The following PLXNA2 variants were observed in gnomAD, a reference collection of about 807,000 sequenced individuals.
PLXNA2 encodes plexin A2, also known as plexin-A2.
PLXNA2 carries 91 observed loss-of-function variants against 193.5 expected under a neutral mutation model. The observed-to-expected ratio is 0.47, with a 90% CI of 0.40 to 0.56. PLXNA2 has a LOEUF of 0.56. Ranked by LOEUF, PLXNA2 falls within the 20% of genes least tolerant of loss-of-function variation. The pLI, the probability that PLXNA2 is intolerant of heterozygous loss-of-function variation, is 0.00. For missense variants in PLXNA2, 1,995 were observed against 2,503.2 expected (o/e 0.80, Z 4.33); for synonymous variants, 997 against 1,027.3 (o/e 0.97, Z 0.56).
chr1:208,171,796 C>T (rs879276330), intron 3 of PLXNA2, among the ~76,000 whole-genome samples: 1 of 152,036 alleles, frequency 6.6e-6, no homozygotes, highest in Non-Finnish European at 1.5e-5. Flanking sequence ...ATCCAGGCTG[C>T]AGTGAGCCAT....
chr1:208,063,854 TG>T (rs1665695271), intron 12 of PLXNA2, among the ~76,000 whole-genome samples: 1 of 152,248 alleles, frequency 6.6e-6, no homozygotes, highest in Admixed American at 6.5e-5. Context: ...CCTCCATTAC[TG>T]ATGACTTCCA....
At chr1:208,239,320 C>T (rs1169585975) in intron 1 of PLXNA2, among the ~76,000 whole-genome samples, 1 of 152,124 alleles carries the variant, frequency 6.6e-6, no homozygotes, top group Middle Eastern at 3.2e-3. Context: ...CTCTCTTTCC[C>T]ACTTTTCTCT....
Position 208,084,380 on chromosome 1 carries a change from C to G in PLXNA2, c.2298G>C (p.Ser766=). The change falls in exon 10 of 32, where the codon TCG becomes TCC. Residue 766 remains serine (S), a splice_region_variant and synonymous_variant. Coordinates refer to ENST00000367033, the MANE Select transcript of PLXNA2 (RefSeq NM_025179.4). ...CAGGGCCCAGCCTGCGTTTTCTTACCGAGCTGTTCTGACACTGAACGCTGG... is the reference window on the plus strand; with the variant it reads ...CAGGGCCCAGCCTGCGTTTTCTTACGGAGCTGTTCTGACACTGAACGCTGG... ...NSSSVQCQNS[S]YQYDGMDISN... is the part of the protein sequence containing the mutation. 6.2e-7 allele frequency: 1 copy of G among 1,614,120 alleles called. No homozygotes were observed.
At chr1:208,186,709 T>TTTTGTTTTTTG (rs1558234616) in intron 3 of PLXNA2, among the ~76,000 whole-genome samples, 1 of 83,792 alleles carries the variant, frequency 1.2e-5, no homozygotes, top group African/African-American at 5.7e-5. Flanking sequence ...TGCAATGTTA[T>TTTTGTTTTTTG]TTTATTTTTT....
Position 208,025,395 on chromosome 1 carries a change from A to C in PLXNA2, c.*1848T>G, listed in dbSNP as rs1664313332. The C allele has an allele frequency of 2.0e-5, 3 of 152,294 alleles. No homozygotes were observed. Among genetic ancestry groups the C allele is most frequent in the African/African-American group, 7.2e-5 (3 of 41,458 alleles). The allele number at this position is 152,294 out of a possible 1,614,324, so 9.4% of individuals were successfully genotyped here. On this transcript the variant is annotated 3_prime_UTR_variant, in exon 32 of 32. Coordinates refer to ENST00000367033, the MANE Select transcript of PLXNA2 (RefSeq NM_025179.4). ...GAGAAGCTGGAGCCCAGAGTTAATA[A>C]CAGAGAAAATGACCCTGGTCTAGTC...
At chr1:208,204,705 G>T (rs1035919955) in intron 3 of PLXNA2, among the ~76,000 whole-genome samples, 4 of 152,218 alleles carry the variant, frequency 2.6e-5, no homozygotes, top group African/African-American at 9.6e-5. Flanking sequence ...TGTGTATCTG[G>T]CAGTGGGGAT....
At chr1:208,095,997 C>G in intron 8 of PLXNA2, 32 bp downstream of exon 8, 1 of 1,542,748 alleles carries the variant, frequency 6.5e-7, no homozygotes, top group South Asian at 1.1e-5. Flanking sequence ...ACATCCAGAC[C>G]CAGAGCAAGA....
Position 208,057,437 on chromosome 1 carries a change from G to C in PLXNA2, c.2739-2899C>G, listed in dbSNP as rs139348988. On this transcript the variant is annotated intron_variant, in intron 13 of 31. Coordinates refer to ENST00000367033, the MANE Select transcript of PLXNA2 (RefSeq NM_025179.4). The stretch of plus-strand genomic sequence containing the variant: ...CAGTATGGATATGGCAGCAATGGTA[G>C]AGGTGAGGTTGTTGGCAGGGGTGGT... 5.3e-3 allele frequency among the ~76,000 whole-genome samples: 814 copies of C among 152,338 alleles called. 1 individual carries two copies. Among genetic ancestry groups the C allele is most frequent in the Admixed American group, 0.01 (157 of 15,298 alleles).
At chr1:208,036,154 G>A (rs910347301) in intron 26 of PLXNA2, among the ~76,000 whole-genome samples, 4 of 152,170 alleles carry the variant, frequency 2.6e-5, no homozygotes, top group East Asian at 3.8e-4. Context: ...GACTGGGAGG[G>A]GGGCAGTCTC....
chr1:208,201,188 C>A (rs780321081), intron 3 of PLXNA2, among the ~76,000 whole-genome samples: 6 of 152,234 alleles, frequency 3.9e-5, no homozygotes, highest in African/African-American at 7.2e-5. Context: ...GATGAATAAA[C>A]TGAGGTCCCC....
At chr1:208,181,272 C>T (rs1282372753) in intron 3 of PLXNA2, among the ~76,000 whole-genome samples, 1 of 152,156 alleles carries the variant, frequency 6.6e-6, no homozygotes, top group Non-Finnish European at 1.5e-5. Flanking sequence ...ACTGCTGTCA[C>T]CTCCTAAGGC....
At chr1:208,175,883 AC>A (rs1428387876) in intron 3 of PLXNA2, among the ~76,000 whole-genome samples, 1 of 152,178 alleles carries the variant, frequency 6.6e-6, no homozygotes, top group Admixed American at 6.5e-5. Context: ...CTAGGGACTC[AC>A]TAGGATGGTT....
At chr1:208,069,669 A>C (rs959787571) in intron 12 of PLXNA2, among the ~76,000 whole-genome samples, 2 of 152,126 alleles carry the variant, frequency 1.3e-5, no homozygotes, top group Non-Finnish European at 2.9e-5. Context: ...GTTGGGGCCA[A>C]CTTCAGAGTA....
rs539188391 is a variant in PLXNA2 at position 208,210,269 on chromosome 1, T to C, written c.1371+11A>G. 5 of 1,613,736 alleles carry C rather than the reference T, an allele frequency of 3.1e-6. No homozygotes were observed. Among genetic ancestry groups the C allele is most frequent in the Middle Eastern group, 1.6e-4 (1 of 6,062 alleles). On this transcript the variant is annotated intron_variant, in intron 3 of 31. Coordinates refer to ENST00000367033, the MANE Select transcript of PLXNA2 (RefSeq NM_025179.4). ...AATGGCATTGGAGCATCTGAACTCA[T>C]AGACTCTTACCTTTTTCAGCTTGCC...
intron 23 of PLXNA2, 108 bp downstream of exon 23, chr1:208,039,884 G>C (rs1440236653): frequency 1.3e-6 from 2 of 1,581,972 alleles, no homozygotes; most frequent in Non-Finnish European, 1.7e-6. Flanking sequence ...AGCCAGTCCA[G>C]GTTCCTGCTC....
chr1:208,216,309 T>C (rs954474313), intron 2 of PLXNA2, among the ~76,000 whole-genome samples: 1 of 152,216 alleles, frequency 6.6e-6, no homozygotes, highest in Non-Finnish European at 1.5e-5. Flanking sequence ...GAGTCAGTCC[T>C]CTCAGCTACT....
chr1:208,054,099 C>A (rs1401863955), intron 14 of PLXNA2, among the ~76,000 whole-genome samples: 2 of 152,348 alleles, frequency 1.3e-5, no homozygotes, highest in South Asian at 4.1e-4. Flanking sequence ...ACTGGTGGGA[C>A]AAGAGGCAGT....
intron 4 of PLXNA2, among the ~76,000 whole-genome samples, chr1:208,141,730 A>G (rs1275375988): frequency 1.3e-5 from 2 of 152,094 alleles, no homozygotes; most frequent in African/African-American, 4.8e-5. Context: ...ACTCACACAT[A>G]TTCACAGGAA....
At chr1:208,213,782 T>C (rs374942886) in intron 2 of PLXNA2, among the ~76,000 whole-genome samples, 1 of 152,228 alleles carries the variant, frequency 6.6e-6, no homozygotes, top group Non-Finnish European at 1.5e-5. Flanking sequence ...CCATTCCTCT[T>C]GCAGCCCTTG....
Sources: allele counts gnomAD v4.1 joint callset (sites outside exome capture counted in the v4.1 genomes callset), GRCh38; gene constraint gnomAD v4.1.1; transcripts MANE v1.5; gene names NCBI Gene and HGNC (gene_info 2026-07-23, HGNC 2026-07-21).